The following TMEM184A variants were observed in gnomAD, a reference collection of about 807,000 sequenced individuals.
The protein encoded by TMEM184A is sexually dimorphic, expressed in male gonads 1.
In TMEM184A, 40 loss-of-function variants were observed where a neutral mutation model predicts 39.5. The ratio of observed to expected loss-of-function variants is 1.01; its 90% CI spans 0.79 to 1.32. The LOEUF is 1.32. Among genes scored for constraint, TMEM184A ranks in the 40% most tolerant of loss-of-function variants. The pLI, the probability that TMEM184A is intolerant of heterozygous loss-of-function variation, is 0.00. For missense variants in TMEM184A, 603 were observed against 568.8 expected (o/e 1.06, Z -0.61); for synonymous variants, 280 against 252.3 (o/e 1.11, Z -1.04).
At chr7:1,549,699 G>A in intron 6 of TMEM184A, 155 bp downstream of exon 6, 1 of 757,192 alleles carries the variant, frequency 1.3e-6, no homozygotes, top group Non-Finnish European at 2.3e-6. Flanking sequence ...TGGGCCCCAG[G>A]GGACCCAGTG....
chr7:1,554,869 A>G (rs1187451709), intron 2 of TMEM184A, among the ~76,000 whole-genome samples: 1 of 152,032 alleles, frequency 6.6e-6, no homozygotes, highest in Non-Finnish European at 1.5e-5. Flanking sequence ...ACCTCCCACC[A>G]GCCTTCTCCA....
At chr7:1,547,981 T>A in intron 7 of TMEM184A, 42 bp from the exon 8 acceptor site, 1 of 1,537,090 alleles carries the variant, frequency 6.5e-7, no homozygotes, top group Non-Finnish European at 8.8e-7. Flanking sequence ...CCAGACGGGG[T>A]CTGCAGGGGA....
chr7:1,555,509 C>G lies in TMEM184A; in HGVS notation c.1-25G>C. On this transcript the variant is annotated intron_variant, in intron 1 of 8. Coordinates refer to ENST00000297477, the MANE Select transcript of TMEM184A (RefSeq NM_001097620.2). This position sits in a 1 kb window ranked among gnomAD's most constrained non-coding sequence, Gnocchi z 5.2. Reference sequence around the variant, plus strand: ...TCTGCAGAGGGAGGGAGGACACACACCGGGAGGAGTGAGGGCAAAGGTACT... The same window carrying G: ...TCTGCAGAGGGAGGGAGGACACACAGCGGGAGGAGTGAGGGCAAAGGTACT... 6.3e-7 allele frequency: 1 copy of G among 1,582,150 alleles called. No homozygotes were observed. The highest frequency in any genetic ancestry group is 8.6e-7 in the Non-Finnish European group (1 of 1,164,104).
In TMEM184A at chr7:1,545,286, T is replaced by G. The variant is rs71523241; in HGVS notation, c.*1666A>C. On this transcript the variant is annotated 3_prime_UTR_variant, in exon 9 of 9. Coordinates refer to ENST00000297477, the MANE Select transcript of TMEM184A (RefSeq NM_001097620.2). ...GCAGGGAGGAGCTCAGCCTATCTTA[T>G]CAGGCAGCCGGGCTGGGCCCTGCAG... The G allele has an allele frequency of 0.024, 3,724 of 152,718 alleles. 73 individuals carry two copies. The highest frequency in any genetic ancestry group is 0.068 in the Middle Eastern group (20 of 296). The allele number at this position is 152,718 out of a possible 1,614,324, so 9.5% of individuals were successfully genotyped here. A position where few individuals can be genotyped will look rare whatever the true frequency, so the allele number is the denominator to read the frequency against.
chr7:1,549,762 G>A (rs1562558331), intron 6 of TMEM184A, 92 bp downstream of exon 6: 3 of 1,190,272 alleles, frequency 2.5e-6, no homozygotes, highest in Non-Finnish European at 2.4e-6. Flanking sequence ...AGCCCAGCTG[G>A]ACGCCAAGTC....
rs552673256 is a variant in TMEM184A at position 1,547,769 on chromosome 7, A to T, written c.985T>A (p.Tyr329Asn). 6 of 1,612,814 alleles carry T rather than the reference A, an allele frequency of 3.7e-6. No homozygotes were observed. The African/African-American group carries it at 8.0e-5, about 21-fold the overall frequency. ...ALRYAFPCQV[Y>N]AEKKENSPAP... ...GGTGAATTCTCCTTCTTCTCTGCGTACACCTGGCAGGGGAAGGCATAACGC... is the reference window on the plus strand; with the variant it reads ...GGTGAATTCTCCTTCTTCTCTGCGTTCACCTGGCAGGGGAAGGCATAACGC... Residue 329 changes from tyrosine (Y) to asparagine (N), a missense_variant, in exon 8 of 9, where the codon TAC becomes AAC. Physicochemically the swap from Tyr to Asn is moderately radical, Grantham distance 143. Transcript: ENST00000297477.
At chr7:1,552,531 A>G (rs374582749) in intron 2 of TMEM184A, among the ~76,000 whole-genome samples, 9 of 145,532 alleles carry the variant, frequency 6.2e-5, no homozygotes, top group African/African-American at 1.8e-4. Flanking sequence ...TTTTTTCTGA[A>G]TAAGTTCCTT....
Position 1,548,992 on chromosome 7 carries a change from C to T in TMEM184A, c.645-304G>A, listed in dbSNP as rs890122113. The T allele has an allele frequency of 6.0e-5, 34 of 571,254 alleles. No individual in the cohort carries two copies. The East Asian group carries it at 1.0e-3, about 18-fold the overall frequency. The allele number at this position is 571,254 out of a possible 1,614,324, so 35.4% of individuals were successfully genotyped here. A position where few individuals can be genotyped will look rare whatever the true frequency, so the allele number is the denominator to read the frequency against. ...CAGGCAGCATCCAGGCTGCCTCTGT[C>T]GGAACGCCACCTCCCAACCCCGTCC... On this transcript the variant is annotated intron_variant, in intron 6 of 8. Transcript: ENST00000297477.
At chr7:1,552,131 C>T (rs888119666) in intron 2 of TMEM184A, among the ~76,000 whole-genome samples, 1 of 151,940 alleles carries the variant, frequency 6.6e-6, no homozygotes, top group African/African-American at 2.4e-5. Context: ...GTGTGCACCA[C>T]CTTGCCTGGC....
Sources: allele counts gnomAD v4.1 joint callset (sites outside exome capture counted in the v4.1 genomes callset), GRCh38; gene constraint gnomAD v4.1.1; non-coding constraint Gnocchi (gnomAD v3.1); transcripts MANE v1.5; gene names NCBI Gene and HGNC (gene_info 2026-07-23, HGNC 2026-07-21).